Variants in TGM5 observed in about 807,000 individuals in gnomAD.
TGM5 encodes protein-glutamine gamma-glutamyltransferase 5.
A neutral mutation model predicts 77.2 loss-of-function variants in TGM5; 69 were observed. The observed-to-expected ratio is 0.89, with a 90% CI of 0.74 to 1.09. The LOEUF is 1.09. Ranked by LOEUF, TGM5 falls within the 50% of genes least tolerant of loss-of-function variation. TGM5 has a pLI of 0.00. For missense variants in TGM5, 842 were observed against 896.5 expected (o/e 0.94, Z 0.78); for synonymous variants, 346 against 351.8 (o/e 0.98, Z 0.18).
chr15:43,266,267 C>T (rs2042824113), intron 1 of TGM5, among the ~76,000 whole-genome samples: 1 of 152,104 alleles, frequency 6.6e-6, no homozygotes, highest in Non-Finnish European at 1.5e-5. Flanking sequence ...AAAGCTTATT[C>T]CTCTAAATGA....
At chr15:43,234,582 C>T (rs572507267) in intron 11 of TGM5, among the ~76,000 whole-genome samples, 187 bp downstream of exon 11, 55 of 152,294 alleles carry the variant, frequency 3.6e-4, no homozygotes, top group African/African-American at 1.3e-3. Context: ...ATCCATAGGG[C>T]CTCTAGTGAG....
At chr15:43,260,694 A>G (rs779769418) in intron 1 of TGM5, 115 bp from the exon 2 acceptor site, 10 of 1,129,440 alleles carry the variant, frequency 8.9e-6, no homozygotes, top group Admixed American at 3.7e-5. Context: ...CTCAGTTTCC[A>G]TATCAGTAAA....
rs549037229 is a variant in TGM5, at chr15:43,233,328, G to T, written c.2026C>A (p.Pro676Thr). The change falls in exon 13 of 13, where the codon CCC becomes ACC. Residue 676 changes from proline (P) to threonine (T), a missense_variant. Pro to Thr is a conservative substitution (Grantham distance 38, BLOSUM62 -1). Around this residue, in one of 2 missense-constraint regions of TGM5, gnomAD observed 815 missense variants for 844.6 expected, o/e 0.96. Transcript: ENST00000220420. ...QQKVFLGVLK[P>T]QHQASIILET... Reference sequence around the variant, plus strand: ...AGAATGATGCTTGCTTGGTGTTGGGGTTTGAGGACTCCAAGGCTGCAACAG... The same window carrying T: ...AGAATGATGCTTGCTTGGTGTTGGGTTTTGAGGACTCCAAGGCTGCAACAG... 2.5e-6 allele frequency: 4 copies of T among 1,613,874 alleles called. No homozygotes were observed. In the South Asian group the frequency reaches 4.4e-5, roughly 18 times the overall value.
intron 6 of TGM5, among the ~76,000 whole-genome samples, chr15:43,250,264 A>G (rs1203922628): frequency 6.6e-6 from 1 of 152,172 alleles, no homozygotes; most frequent in East Asian, 1.9e-4. Flanking sequence ...TGCTTCCTGA[A>G]CACTCACTAT....
At chr15:43,257,326 G>A (rs924143607) in intron 3 of TGM5, among the ~76,000 whole-genome samples, 13 of 152,198 alleles carry the variant, frequency 8.5e-5, no homozygotes, top group African/African-American at 1.2e-4. Context: ...CAGCAAAATC[G>A]TGTACATGGA....
intron 1 of TGM5, 113 bp downstream of exon 1, chr15:43,266,727 T>G: frequency 7.2e-7 from 1 of 1,388,112 alleles, no homozygotes; most frequent in Non-Finnish European, 1.0e-6. Context: ...CCTGCCTCAG[T>G]TCTGTATTTA....
chr15:43,250,993 C>G (rs1179122517), intron 6 of TGM5, among the ~76,000 whole-genome samples: 1 of 152,170 alleles, frequency 6.6e-6, no homozygotes, highest in Non-Finnish European at 1.5e-5. Flanking sequence ...GACAACCACA[C>G]CCAAACCTGG....
Position 43,232,998 on chromosome 15 carries a change from A to T in TGM5, c.*193T>A, listed in dbSNP as rs1035157601. 2 of 673,108 alleles carry T rather than the reference A, an allele frequency of 3.0e-6. No individual in the cohort carries two copies. Among genetic ancestry groups the T allele is most frequent in the African/African-American group, 3.6e-5 (2 of 55,300 alleles). 41.7% of individuals were successfully genotyped at this position (673,108 alleles called of 1,614,324 possible). On this transcript the variant is annotated 3_prime_UTR_variant, in exon 13 of 13. Transcript: ENST00000220420. Reference sequence around the variant, plus strand: ...AGTATAGGGGTAGTAAACAAAGCAAAGTCTTTGCCCTCATGGAGCTTAAAT... The same window carrying T: ...AGTATAGGGGTAGTAAACAAAGCAATGTCTTTGCCCTCATGGAGCTTAAAT...
chr15:43,236,066 T>C (rs1386178619), intron 9 of TGM5, among the ~76,000 whole-genome samples: 1 of 152,210 alleles, frequency 6.6e-6, no homozygotes, highest in Admixed American at 6.5e-5. Context: ...TTAGCATTCT[T>C]CTTCTTCTTC....
chr15:43,242,923 ACACT>A (rs1269406046), intron 6 of TGM5, among the ~76,000 whole-genome samples: 7 of 152,242 alleles, frequency 4.6e-5, no homozygotes, highest in Non-Finnish European at 8.8e-5. Flanking sequence ...AGGGTGGATG[ACACT>A]CACAGTGACA....
chr15:43,261,090 T>TTTTTTTTTTG (rs2042786280), intron 1 of TGM5, among the ~76,000 whole-genome samples: 1 of 97,118 alleles, frequency 1.0e-5, no homozygotes. Flanking sequence ...TTTTTTTTTT[T>TTTTTTTTTTG]TTTTTTTTTT....
chr15:43,246,082 A>G (rs2042668552), intron 6 of TGM5, among the ~76,000 whole-genome samples: 1 of 152,178 alleles, frequency 6.6e-6, no homozygotes, highest in South Asian at 2.1e-4. Flanking sequence ...AATGTTTAAT[A>G]TGAATATTTT....
At chr15:43,245,394 G>A (rs1435186958) in intron 6 of TGM5, among the ~76,000 whole-genome samples, 1 of 152,028 alleles carries the variant, frequency 6.6e-6, no homozygotes, top group African/African-American at 2.4e-5. Context: ...TTTATCCCAT[G>A]CCTTTAATCG....
At chr15:43,233,744 T>C in intron 11 of TGM5, 57 bp from the exon 12 acceptor site, 2 of 1,600,982 alleles carry the variant, frequency 1.2e-6, no homozygotes, top group Non-Finnish European at 1.7e-6. Context: ...TCACCAGATA[T>C]TTACGAAGGG....
intron 7 of TGM5, 120 bp downstream of exon 7, chr15:43,240,732 G>T (rs2042629064): frequency 7.7e-7 from 1 of 1,297,066 alleles, no homozygotes; most frequent in Non-Finnish European, 1.1e-6. Flanking sequence ...GAGGGTGAGG[G>T]GGTGTGGAGG....
intron 1 of TGM5, among the ~76,000 whole-genome samples, chr15:43,261,182 C>G (rs1412848952): frequency 6.8e-6 from 1 of 147,950 alleles, no homozygotes; most frequent in African/African-American, 2.5e-5. Flanking sequence ...CTCCGCCTCC[C>G]GGGTTCACGC....
Position 43,252,893 on chromosome 15 carries a change from C to G in TGM5, c.728G>C (p.Ser243Thr), listed in dbSNP as rs776837156. Residue 243 changes from serine to threonine, a missense_variant, in exon 6 of 13, where the codon AGT (serine) becomes ACT (threonine). Ser to Thr is a moderately conservative substitution (Grantham distance 58). Around this residue, in one of 2 missense-constraint regions of TGM5, gnomAD observed 815 missense variants for 844.6 expected, o/e 0.96. Coordinates refer to ENST00000220420, the MANE Select transcript of TGM5 (RefSeq NM_201631.4). ...DDNGVLNGNW[S>T]ENYTDGANPA... The stretch of plus-strand genomic sequence containing the variant: ...GTTGGCGCCGTCTGTGTAATTCTCA[C>G]TCCAGTTTCCATTGAGCACCCCATT... 50 of 1,613,770 alleles carry G rather than the reference C, an allele frequency of 3.1e-5. No individual in the cohort carries two copies. The highest frequency in any genetic ancestry group is 4.2e-5 in the Non-Finnish European group (49 of 1,180,046).
At chr15:43,240,287 A>G (rs1428062583) in intron 7 of TGM5, among the ~76,000 whole-genome samples, 1 of 152,128 alleles carries the variant, frequency 6.6e-6, no homozygotes, top group Non-Finnish European at 1.5e-5. Context: ...ATGTAGACAA[A>G]CAGGGCTGGG....
chr15:43,263,390 A>G (rs1464227533), intron 1 of TGM5, among the ~76,000 whole-genome samples: 16 of 152,248 alleles, frequency 1.1e-4, no homozygotes, highest in Non-Finnish European at 4.4e-5. Flanking sequence ...GCCAAACAGT[A>G]TTGAAAAGTA....
Sources: allele counts gnomAD v4.1 joint callset (sites outside exome capture counted in the v4.1 genomes callset), GRCh38; gene constraint gnomAD v4.1.1; regional missense constraint gnomAD v4.1.1; transcripts MANE v1.5; gene names NCBI Gene and HGNC (gene_info 2026-07-23, HGNC 2026-07-21).